ADARB2: variants seen among roughly 807,000 people sequenced by gnomAD.
ADARB2 encodes the protein adenosine deaminase RNA specific B2 (inactive).
A neutral mutation model predicts 62.2 loss-of-function variants in ADARB2; 25 were observed. That is an observed-to-expected ratio of 0.40 (90% CI 0.29 to 0.56). ADARB2 has a LOEUF of 0.56. ADARB2 is among the 20% of genes least tolerant of loss of function. The pLI is 0.43. For synonymous variants in ADARB2, 572 were observed against 500.8 expected (o/e 1.14, Z -1.90); for missense variants, 1,071 against 1,077.4 (o/e 0.99, Z 0.08).
chr10:1,651,719 A>C (rs1834112965), intron 1 of ADARB2, among the ~76,000 whole-genome samples: 1 of 151,732 alleles, frequency 6.6e-6, no homozygotes, highest in Non-Finnish European at 1.5e-5. Flanking sequence ...GCGGGGCCTT[A>C]CTGCCTGAGC....
intron 2 of ADARB2, among the ~76,000 whole-genome samples, chr10:1,365,168 G>A (rs533952101): frequency 1.3e-5 from 2 of 152,142 alleles, no homozygotes; most frequent in South Asian, 2.1e-4. Flanking sequence ...CACCGCGCCT[G>A]GCCACATTTT....
rs201580381 is a variant in ADARB2, at chr10:1,660,884, A to G, written c.100+76167T>C. On this transcript the variant is annotated intron_variant, in intron 1 of 9. Transcript: ENST00000381312. ...CATTTTAAGTTCTCCTTGATTAAAA[A>G]CCACCTAAATCCAGCCCCAAAACAT... Among the ~76,000 whole-genome samples, 8 of 152,292 alleles carry G rather than the reference A, an allele frequency of 5.3e-5. No individual in the cohort carries two copies. In the East Asian group the frequency reaches 1.5e-3, roughly 29 times the overall value.
At chr10:1,264,118 C>G (rs751760543) in intron 4 of ADARB2, among the ~76,000 whole-genome samples, 4 of 152,254 alleles carry the variant, frequency 2.6e-5, no homozygotes, top group Admixed American at 1.3e-4. Context: ...ACAGCATCAG[C>G]TTCACATTTC....
intron 1 of ADARB2, among the ~76,000 whole-genome samples, chr10:1,646,567 C>A (rs2119065790): frequency 6.6e-6 from 1 of 152,350 alleles, no homozygotes; most frequent in South Asian, 2.1e-4. Context: ...CCAATGCAGT[C>A]ACAGAAGACA....
At chr10:1,296,478 A>G (rs1322550189) in intron 3 of ADARB2, among the ~76,000 whole-genome samples, 25 of 152,120 alleles carry the variant, frequency 1.6e-4, no homozygotes, top group Admixed American at 1.6e-3. Context: ...TTTCCAGACA[A>G]CTGCCACATT....
At chr10:1,502,900 T>C (rs1831783867) in intron 1 of ADARB2, among the ~76,000 whole-genome samples, 1 of 152,240 alleles carries the variant, frequency 6.6e-6, no homozygotes, top group Non-Finnish European at 1.5e-5. Flanking sequence ...ATCTTGGTAA[T>C]AGCATGAGCA....
At chr10:1,382,450 T>C (rs899181904) in intron 1 of ADARB2, among the ~76,000 whole-genome samples, 1 of 152,190 alleles carries the variant, frequency 6.6e-6, no homozygotes, top group African/African-American at 2.4e-5. Context: ...GACCGCATCT[T>C]TAGAGTGTTC....
At chr10:1,639,654 C>T (rs997974609) in intron 1 of ADARB2, among the ~76,000 whole-genome samples, 16 of 152,142 alleles carry the variant, frequency 1.1e-4, no homozygotes, top group Non-Finnish European at 1.8e-4. Flanking sequence ...ACCATCCTGA[C>T]CAACATGGTG....
intron 1 of ADARB2, among the ~76,000 whole-genome samples, chr10:1,699,483 T>C (rs372351333): frequency 2.5e-3 from 5 of 1,962 alleles, no homozygotes; most frequent in South Asian, 0.062. Context: ...GGAGACCAGG[T>C]GCTCACCAGT....
At chr10:1,560,724 C>A (rs966496575) in intron 1 of ADARB2, among the ~76,000 whole-genome samples, 3 of 152,202 alleles carry the variant, frequency 2.0e-5, no homozygotes, top group Non-Finnish European at 4.4e-5. Flanking sequence ...CAAGCAGGGT[C>A]AGGAGCCGAG....
At chr10:1,546,079 GC>G (rs2131973213) in intron 1 of ADARB2, among the ~76,000 whole-genome samples, 1 of 151,952 alleles carries the variant, frequency 6.6e-6, no homozygotes, top group African/African-American at 2.4e-5. Context: ...CAAGACACCA[GC>G]CCCTTGCCTG....
At chr10:1,208,551 G>A (rs1837101226) in intron 7 of ADARB2, among the ~76,000 whole-genome samples, 1 of 152,212 alleles carries the variant, frequency 6.6e-6, no homozygotes, top group South Asian at 2.1e-4. Flanking sequence ...CAGCCCCTTT[G>A]CATCAGCACG....
chr10:1,564,868 G>T (rs912830715), intron 1 of ADARB2, among the ~76,000 whole-genome samples: 1 of 151,330 alleles, frequency 6.6e-6, no homozygotes, highest in Non-Finnish European at 1.5e-5. Context: ...ACAGCTCTTA[G>T]GGTCAGTGGG....
At chr10:1,302,530 CT>C in intron 3 of ADARB2, among the ~76,000 whole-genome samples, 1 of 152,216 alleles carries the variant, frequency 6.6e-6, no homozygotes. Flanking sequence ...CCCACCACAG[CT>C]CAAGGAGGCC....
chr10:1,530,363 C>T (rs1282535702), intron 1 of ADARB2, among the ~76,000 whole-genome samples: 6 of 152,356 alleles, frequency 3.9e-5, no homozygotes, highest in East Asian at 1.9e-4. Context: ...GAAACACTTG[C>T]GTCCTGGGTT....
intron 1 of ADARB2, among the ~76,000 whole-genome samples, chr10:1,404,206 G>A (rs999435812): frequency 1.3e-5 from 2 of 150,044 alleles, no homozygotes; most frequent in African/African-American, 2.5e-5. Context: ...GGCTCAGAAG[G>A]AGCAGGAGAA....
chr10:1,324,194 G>A (rs947318283), intron 3 of ADARB2, among the ~76,000 whole-genome samples: 3 of 152,182 alleles, frequency 2.0e-5, no homozygotes, highest in Admixed American at 6.5e-5. Flanking sequence ...AAAACCACAC[G>A]AGGTACCATA....
chr10:1,660,954 T>C (rs1371579917), intron 1 of ADARB2, among the ~76,000 whole-genome samples: 3 of 152,102 alleles, frequency 2.0e-5, no homozygotes, highest in Non-Finnish European at 4.4e-5. Context: ...ATTCCAACCC[T>C]GAGATAAACC....
chr10:1,526,222 G>T (rs1343002404), intron 1 of ADARB2, among the ~76,000 whole-genome samples: 1 of 151,802 alleles, frequency 6.6e-6, no homozygotes, highest in Non-Finnish European at 1.5e-5. Context: ...GGCAGGTGGG[G>T]TAGGTGGGGC....
Sources: allele counts gnomAD v4.1 joint callset (sites outside exome capture counted in the v4.1 genomes callset), GRCh38; gene constraint gnomAD v4.1.1; transcripts MANE v1.5; gene names NCBI Gene and HGNC (gene_info 2026-07-23, HGNC 2026-07-21).